TTC7A: variants seen among roughly 807,000 people sequenced by gnomAD.
TTC7A encodes the protein tetratricopeptide repeat protein 7A.
In TTC7A, 110 loss-of-function variants were observed where a neutral mutation model predicts 103.7. That is an observed-to-expected ratio of 1.06 (90% CI 0.91 to 1.24). The LOEUF is 1.24. TTC7A is among the 50% of genes most tolerant of loss of function. The probability of loss-of-function intolerance (pLI) is 0.00; values close to 1 mark genes in which losing one functional copy is unlikely to be tolerated. For synonymous variants in TTC7A, 521 were observed against 467.9 expected (o/e 1.11, Z -1.47); for missense variants, 1,340 against 1,116.3 (o/e 1.20, Z -2.86).
At chr2:46,935,841 G>C (rs1669949260) in intron 2 of TTC7A, among the ~76,000 whole-genome samples, 1 of 152,046 alleles carries the variant, frequency 6.6e-6, no homozygotes, top group African/African-American at 2.4e-5. Context: ...TATAATCCTA[G>C]AGACTAGGGA....
chr2:47,025,937 T>C (rs1290345972), intron 14 of TTC7A, among the ~76,000 whole-genome samples: 2 of 152,200 alleles, frequency 1.3e-5, no homozygotes, highest in Non-Finnish European at 2.9e-5. Flanking sequence ...AAAGAACCAG[T>C]GCTTTTCTTG....
chr2:47,019,900 T>C (rs1679092249), intron 11 of TTC7A, among the ~76,000 whole-genome samples: 1 of 152,190 alleles, frequency 6.6e-6, no homozygotes, highest in Non-Finnish European at 1.5e-5. Context: ...CAGGGGTATA[T>C]TAGGAAGAAA....
At chr2:47,044,930 G>T (rs1292273661) in intron 15 of TTC7A, among the ~76,000 whole-genome samples, 1 of 152,208 alleles carries the variant, frequency 6.6e-6, no homozygotes, top group African/African-American at 2.4e-5. Flanking sequence ...AGATCAGAGG[G>T]GCAACTGCCA....
At chr2:47,055,898 C>G (rs547556470) in intron 18 of TTC7A, among the ~76,000 whole-genome samples, 1 of 152,160 alleles carries the variant, frequency 6.6e-6, no homozygotes, top group South Asian at 2.1e-4. Flanking sequence ...CTGGCGCTCA[C>G]CCTTGGTCCT....
chr2:46,926,142 C>T (rs1669371919), intron 2 of TTC7A, among the ~76,000 whole-genome samples: 1 of 152,194 alleles, frequency 6.6e-6, no homozygotes, highest in South Asian at 2.1e-4. Context: ...AGCATTCCCT[C>T]CACAGAAGAA....
rs896820280 is a variant in TTC7A at position 47,007,540 on chromosome 2, C to G, written c.1287+816C>G. 2.0e-5 allele frequency among the ~76,000 whole-genome samples: 3 copies of G among 152,188 alleles called. No individual in the cohort carries two copies. The highest frequency in any genetic ancestry group is 6.5e-5 in the Admixed American group (1 of 15,286). ...TGGGGCTGAGGGAATTCCTCGCCCCCCTGGCCCATCTGTGCCACGTTCCAT... is the reference window on the plus strand; with the variant it reads ...TGGGGCTGAGGGAATTCCTCGCCCCGCTGGCCCATCTGTGCCACGTTCCAT... On this transcript the variant is annotated intron_variant, in intron 10 of 19. Coordinates refer to ENST00000319190, the MANE Select transcript of TTC7A (RefSeq NM_020458.4). This position sits in a 1 kb window ranked among gnomAD's most constrained non-coding sequence, Gnocchi z 4.9.
intron 18 of TTC7A, among the ~76,000 whole-genome samples, chr2:47,054,572 C>A (rs940018221): frequency 6.6e-6 from 1 of 152,020 alleles, no homozygotes; most frequent in Non-Finnish European, 1.5e-5. Flanking sequence ...GTGGCTCATG[C>A]CCGTAATCCG....
chr2:46,997,218 A>C (rs1258646648), intron 8 of TTC7A, among the ~76,000 whole-genome samples: 1 of 152,072 alleles, frequency 6.6e-6, no homozygotes, highest in Non-Finnish European at 1.5e-5. Flanking sequence ...ACCTCAGGTG[A>C]TCCACCTGCC....
intron 11 of TTC7A, 126 bp from the exon 12 acceptor site, chr2:47,021,736 C>G: frequency 2.6e-6 from 2 of 762,202 alleles, no homozygotes; most frequent in Non-Finnish European, 4.5e-6. Context: ...AAGCTTCTCC[C>G]TGTGAGAGTA....
intron 12 of TTC7A, 114 bp from the exon 13 acceptor site, chr2:47,023,293 TG>T: frequency 9.0e-7 from 1 of 1,115,268 alleles, no homozygotes; most frequent in Non-Finnish European, 1.3e-6. Flanking sequence ...GTTTGCCAGA[TG>T]GGACCCTGGT....
intron 15 of TTC7A, among the ~76,000 whole-genome samples, chr2:47,042,799 C>G (rs1681904891): frequency 6.6e-6 from 1 of 152,168 alleles, no homozygotes; most frequent in African/African-American, 2.4e-5. Flanking sequence ...TGGAGGAGGG[C>G]TGGAGCCGTG....
chr2:47,034,760 C>T (rs948152087), intron 15 of TTC7A, among the ~76,000 whole-genome samples: 10 of 152,186 alleles, frequency 6.6e-5, no homozygotes, highest in African/African-American at 2.4e-4. Flanking sequence ...CCTGGAACCT[C>T]CGTCGGTCAG....
chr2:46,962,167 A>G (rs573495520), intron 3 of TTC7A, among the ~76,000 whole-genome samples: 4 of 152,054 alleles, frequency 2.6e-5, no homozygotes. Flanking sequence ...TGTCCAACAT[A>G]ATCTGTGAAG....
Position 46,958,009 on chromosome 2 carries a change from A to C in TTC7A, c.517+1002A>C, listed in dbSNP as rs78042109. ...AACTTGCCCAAAGTTACCCAGATAC[A>C]TGGTGGAGCCAGGATGAGAACCTCC... On this transcript the variant is annotated intron_variant, in intron 3 of 19. Transcript: ENST00000319190. Among the ~76,000 whole-genome samples, 1,286 of 152,244 alleles carry C rather than the reference A, an allele frequency of 8.4e-3. 16 individuals are homozygous for C. Among genetic ancestry groups the C allele is most frequent in the African/African-American group, 0.029 (1,198 of 41,544 alleles).
In TTC7A at chr2:47,073,851, C is replaced by T. The variant is rs1553418566; in HGVS notation, c.2505C>T (p.Cys835=). The T allele has an allele frequency of 6.2e-7, 1 of 1,613,806 alleles. No individual in the cohort carries two copies. Among genetic ancestry groups the T allele is most frequent in the Non-Finnish European group, 8.5e-7 (1 of 1,180,036 alleles). ...GCCAGAACGAGGCTGCCGTTGACTGCTTCCTCACCGCCCTTGAGCTGGAGG... is the reference window on the plus strand; with the variant it reads ...GCCAGAACGAGGCTGCCGTTGACTGTTTCCTCACCGCCCTTGAGCTGGAGG... The part of the protein sequence containing the change: ...AQGQNEAAVD[C]FLTALELEAS... The change falls in exon 20 of 20, where the codon TGC becomes TGT. Residue 835 remains cysteine, a synonymous_variant. Coordinates refer to ENST00000319190, the MANE Select transcript of TTC7A (RefSeq NM_020458.4).
At chr2:47,028,121 G>A (rs373692465) in intron 14 of TTC7A, among the ~76,000 whole-genome samples, 2 of 151,922 alleles carry the variant, frequency 1.3e-5, no homozygotes, top group Admixed American at 6.6e-5. Context: ...CATCCTGGGG[G>A]TGTTGTGTTG....
intron 11 of TTC7A, among the ~76,000 whole-genome samples, chr2:47,013,525 G>A (rs766107693): frequency 1.3e-4 from 20 of 152,152 alleles, no homozygotes; most frequent in Non-Finnish European, 2.5e-4. Flanking sequence ...GGGGTGTAGC[G>A]GGGGAGGGCA....
intron 2 of TTC7A, among the ~76,000 whole-genome samples, chr2:46,954,544 A>G (rs1175595489): frequency 6.7e-6 from 1 of 150,180 alleles, no homozygotes; most frequent in Non-Finnish European, 1.5e-5. Context: ...GGCAAGGTAG[A>G]TATCCTTTCA....
intron 3 of TTC7A, chr2:46,958,457 T>C (rs769443329): frequency 2.8e-5 from 36 of 1,298,474 alleles, no homozygotes; most frequent in Admixed American, 6.9e-5. Context: ...TGGCTCAGGA[T>C]GGATTGCCCC....
Sources: gnomAD v4.1 joint callset for allele counts (sites outside exome capture counted in the v4.1 genomes callset) on GRCh38, gnomAD v4.1.1 for gene constraint, Gnocchi (gnomAD v3.1) non-coding constraint, MANE v1.5 for transcripts, NCBI Gene and HGNC (gene_info 2026-07-23, HGNC 2026-07-21) for gene names.